BMPR1B: variants seen among roughly 807,000 people sequenced by gnomAD.
BMPR1B encodes bone morphogenetic protein receptor type-1B.
A neutral mutation model predicts 59.1 loss-of-function variants in BMPR1B; 12 were observed. The observed-to-expected ratio is 0.20, with a 90% CI of 0.13 to 0.33. The LOEUF (loss-of-function observed/expected upper bound fraction) is 0.33, where lower values mean the gene tolerates loss of function less well. Among genes scored for constraint, BMPR1B ranks in the 10% least tolerant of loss-of-function variants. The probability of loss-of-function intolerance (pLI) is 1.00; values close to 1 mark genes in which losing one functional copy is unlikely to be tolerated. For missense variants in BMPR1B, 550 were observed against 610.9 expected, an observed-to-expected ratio of 0.90 and a Z score of 1.05; for synonymous variants, 237 against 207.3, an observed-to-expected ratio of 1.14 and a Z score of -1.23.
intron 2 of BMPR1B, among the ~76,000 whole-genome samples, chr4:94,980,712 T>A (rs1178104576): frequency 6.6e-6 from 1 of 152,148 alleles, no homozygotes; most frequent in East Asian, 1.9e-4. Flanking sequence ...CCCAAAACCC[T>A]GAATTGGAAT....
chr4:95,084,602 CT>C (rs1729427372), intron 3 of BMPR1B, among the ~76,000 whole-genome samples: 1 of 152,050 alleles, frequency 6.6e-6, no homozygotes, highest in Admixed American at 6.6e-5. Context: ...TGCATGATTC[CT>C]TTCTTTAGAA....
intron 3 of BMPR1B, among the ~76,000 whole-genome samples, chr4:95,033,414 T>G (rs1390921355): frequency 6.6e-6 from 1 of 152,158 alleles, no homozygotes; most frequent in East Asian, 1.9e-4. Flanking sequence ...AAGAGTTTTA[T>G]AGTTTTAGCT....
intron 1 of BMPR1B, among the ~76,000 whole-genome samples, chr4:94,868,422 C>T (rs905106941): frequency 1.3e-5 from 2 of 152,126 alleles, no homozygotes; most frequent in Non-Finnish European, 2.9e-5. Context: ...CCACCCACCT[C>T]GGCCTCCCAA....
intron 1 of BMPR1B, among the ~76,000 whole-genome samples, chr4:94,829,748 G>A (rs886418415): frequency 6.6e-6 from 1 of 152,182 alleles, no homozygotes; most frequent in African/African-American, 2.4e-5. Context: ...GAAGTCCAAG[G>A]TGCTAAGGGA....
chr4:95,085,773 G>C lies in BMPR1B; in HGVS notation c.-17-18635G>C, dbSNP rs566341240. ...CTGTTTTGTGCATTAGCTTTTTCTG[G>C]GGCATGAGCATTCAGGCATTTTATG... On this transcript the variant is annotated intron_variant, in intron 3 of 12. Transcript: ENST00000515059. Among the ~76,000 whole-genome samples the C allele has an allele frequency of 1.3e-4, 20 of 152,222 alleles. No individual in the cohort carries two copies. In the South Asian group the frequency reaches 3.9e-3, roughly 30 times the overall value.
chr4:95,021,456 T>C (rs528620670), intron 3 of BMPR1B, among the ~76,000 whole-genome samples: 1 of 152,374 alleles, frequency 6.6e-6, no homozygotes, highest in Non-Finnish European at 1.5e-5. Context: ...CTGGTGTTAA[T>C]GTATTATGAA....
At chr4:95,042,828 G>T (rs1445350381) in intron 3 of BMPR1B, among the ~76,000 whole-genome samples, 1 of 152,036 alleles carries the variant, frequency 6.6e-6, no homozygotes, top group Non-Finnish European at 1.5e-5. Flanking sequence ...TCAGTTTCTT[G>T]CCTGAGATAG....
intron 1 of BMPR1B, among the ~76,000 whole-genome samples, chr4:94,838,844 G>A (rs1258010327): frequency 2.2e-5 from 3 of 137,318 alleles, no homozygotes; most frequent in Non-Finnish European, 3.2e-5. Flanking sequence ...TCTTTTAATT[G>A]TGATGTTAGG....
chr4:94,881,932 G>A (rs1726989668), intron 2 of BMPR1B, among the ~76,000 whole-genome samples: 1 of 152,166 alleles, frequency 6.6e-6, no homozygotes, highest in Admixed American at 6.5e-5. Flanking sequence ...TTAGGGGTAA[G>A]ACAGTGTCTC....
chr4:94,998,346 C>T (rs187246433), intron 3 of BMPR1B, among the ~76,000 whole-genome samples: 1 of 148,646 alleles, frequency 6.7e-6, no homozygotes. Flanking sequence ...CATATTTGTT[C>T]TACTAGTAGT....
At chr4:95,023,785 A>T (rs144907682) in intron 3 of BMPR1B, among the ~76,000 whole-genome samples, 1 of 152,206 alleles carries the variant, frequency 6.6e-6, no homozygotes, top group African/African-American at 2.4e-5. Context: ...CAGACCTCTC[A>T]TACCAAATGT....
intron 2 of BMPR1B, among the ~76,000 whole-genome samples, chr4:94,876,862 A>G (rs1726752880): frequency 6.6e-6 from 1 of 152,322 alleles, no homozygotes; most frequent in African/African-American, 2.4e-5. Flanking sequence ...GAAATTTTTT[A>G]TACTTTAAAT....
At chr4:94,849,165 T>G (rs1725468470) in intron 1 of BMPR1B, among the ~76,000 whole-genome samples, 1 of 151,900 alleles carries the variant, frequency 6.6e-6, no homozygotes, top group Admixed American at 6.6e-5. Context: ...CACTCCAAGG[T>G]TTGGAAGTTG....
chr4:94,998,021 A>C (rs1053786912), intron 3 of BMPR1B, among the ~76,000 whole-genome samples: 2 of 152,182 alleles, frequency 1.3e-5, no homozygotes, highest in South Asian at 2.1e-4. Context: ...GAAACTAAAG[A>C]AAGTTTTCCT....
At chr4:95,033,265 T>G in intron 3 of BMPR1B, among the ~76,000 whole-genome samples, 1 of 152,142 alleles carries the variant, frequency 6.6e-6, no homozygotes, top group Non-Finnish European at 1.5e-5. Context: ...ATTGCATCCT[T>G]TGCATAGAAG....
At chr4:94,772,653 GCTTC>G (rs1234550108) in intron 1 of BMPR1B, among the ~76,000 whole-genome samples, 1 of 151,986 alleles carries the variant, frequency 6.6e-6, no homozygotes, top group Non-Finnish European at 1.5e-5. Context: ...CAAATAGAAA[GCTTC>G]CTTAGTGACT....
intron 1 of BMPR1B, among the ~76,000 whole-genome samples, chr4:94,800,398 T>C (rs1723361181): frequency 6.6e-6 from 1 of 152,130 alleles, no homozygotes; most frequent in South Asian, 2.1e-4. Context: ...GTAAGAATTA[T>C]TTAGATATTT....
At chr4:94,875,344 A>T (rs866331571) in intron 1 of BMPR1B, among the ~76,000 whole-genome samples, 1 of 152,206 alleles carries the variant, frequency 6.6e-6, no homozygotes, top group South Asian at 2.1e-4. Context: ...GGTTCACAAT[A>T]ATCATGGGAA....
chr4:94,905,567 T>C (rs748637657), intron 2 of BMPR1B, among the ~76,000 whole-genome samples: 6 of 152,078 alleles, frequency 3.9e-5, no homozygotes, highest in Admixed American at 6.6e-5. Context: ...TACATTTACA[T>C]AATGTTCTTT....
Sources: gnomAD v4.1 joint callset for allele counts (sites outside exome capture counted in the v4.1 genomes callset) on GRCh38, gnomAD v4.1.1 for gene constraint, MANE v1.5 for transcripts, NCBI Gene and HGNC (gene_info 2026-07-23, HGNC 2026-07-21) for gene names.